LMO7: variants seen among roughly 807,000 people sequenced by gnomAD.
LMO7 encodes LIM domain 7, also known as LIM domain only protein 7.
Under a neutral mutation model 206.5 loss-of-function variants are expected in LMO7, and 120 were observed. The ratio of observed to expected loss-of-function variants is 0.58; its 90% confidence interval spans 0.50 to 0.68. The LOEUF is 0.68. Ranked by LOEUF, LMO7 falls within the 30% of genes least tolerant of loss-of-function variation. The pLI is 0.00. For missense variants in LMO7, 1,959 were observed against 1,957.9 expected (o/e 1.00, Z -0.01); for synonymous variants, 706 against 681.5 (o/e 1.04, Z -0.56).
chr13:75,732,387 A>G (rs952576270), intron 3 of LMO7, among the ~76,000 whole-genome samples: 4 of 151,378 alleles, frequency 2.6e-5, no homozygotes, highest in Admixed American at 6.6e-5. Context: ...ATCTTCCATC[A>G]CTGATACCCT....
chr13:75,782,517 T>C (rs2051673652), intron 4 of LMO7, among the ~76,000 whole-genome samples: 1 of 152,248 alleles, frequency 6.6e-6, no homozygotes, highest in Admixed American at 6.5e-5. Flanking sequence ...GGCAATGCTG[T>C]ATAGTACTTG....
intron 4 of LMO7, among the ~76,000 whole-genome samples, chr13:75,768,730 A>G (rs985802293): frequency 6.6e-6 from 1 of 152,062 alleles, no homozygotes; most frequent in African/African-American, 2.4e-5. Context: ...ATAAGAAGCT[A>G]TTATCTGAAA....
intron 4 of LMO7, among the ~76,000 whole-genome samples, chr13:75,776,174 T>TATATATATATATATAC (rs2050418013): frequency 1.7e-5 from 1 of 59,952 alleles, no homozygotes; most frequent in Non-Finnish European, 3.1e-5. Context: ...TATATATATA[T>TATATATATATATATAC]ATATATATAT....
chr13:75,812,287 G>C lies in LMO7; in HGVS notation c.1946+3104G>C, dbSNP rs188866745. ...ATAAATGAAAAATCTACATCACATTGCCTTTTTATTATAGTGTATGGTAAT... is the reference window on the plus strand; with the variant it reads ...ATAAATGAAAAATCTACATCACATTCCCTTTTTATTATAGTGTATGGTAAT... On this transcript the variant is annotated intron_variant, in intron 11 of 30. Coordinates refer to ENST00000377534, the MANE Select transcript of LMO7 (RefSeq NM_001306080.2). 4.7e-4 allele frequency among the ~76,000 whole-genome samples: 71 copies of C among 152,234 alleles called. No individual in the cohort carries two copies. In the Middle Eastern group the frequency reaches 0.014, roughly 29 times the overall value.
At chr13:75,676,837 T>A (rs2040055491) in intron 1 of LMO7, among the ~76,000 whole-genome samples, 1 of 152,194 alleles carries the variant, frequency 6.6e-6, no homozygotes, top group African/African-American at 2.4e-5. Flanking sequence ...CTTTGATGAT[T>A]GCACATAAGG....
In LMO7 at chr13:75,821,279, A is replaced by T; in HGVS notation, c.2310A>T (p.Ser770=). The change falls in exon 14 of 31, where the codon TCA becomes TCT. Residue 770 remains serine (S), a synonymous_variant. Coordinates refer to ENST00000377534, the MANE Select transcript of LMO7 (RefSeq NM_001306080.2). ...EGKRPPTMTV[S]EASYQSERVE... ...AGCGACCCCCTACAATGACTGTGTC[A>T]GAAGCAAGTTACCAGAGTGAGAGAG... is the stretch of plus-strand genomic sequence containing the variant. 1 of 1,614,148 alleles carries T rather than the reference A, an allele frequency of 6.2e-7. No homozygotes were observed. The highest frequency in any genetic ancestry group is 8.5e-7 in the Non-Finnish European group (1 of 1,179,966).
chr13:75,829,351 G>A (rs1483782748), intron 15 of LMO7, among the ~76,000 whole-genome samples: 2 of 152,088 alleles, frequency 1.3e-5, no homozygotes, highest in African/African-American at 4.8e-5. Flanking sequence ...GTAGGTAGAA[G>A]ATAATCTTGG....
chr13:75,663,827 G>A (rs1019341074), intron 1 of LMO7, among the ~76,000 whole-genome samples: 16 of 151,924 alleles, frequency 1.1e-4, no homozygotes, highest in Admixed American at 2.0e-4. Context: ...CTAAAGTTGG[G>A]CTTCTTTTTT....
At chr13:75,760,432 G>A (rs1303571274) in intron 3 of LMO7, 2 of 1,129,190 alleles carry the variant, frequency 1.8e-6, no homozygotes, top group Non-Finnish European at 2.2e-6. Flanking sequence ...GATTCCAGGT[G>A]TGGTATTCCA....
rs1595508692 is a variant in LMO7, at chr13:75,847,801, T to C, written c.4151-1278T>C. Among the ~76,000 whole-genome samples the C allele has an allele frequency of 2.0e-5, 3 of 152,302 alleles. No homozygotes were observed. In the South Asian group the frequency reaches 6.2e-4, roughly 32 times the overall value. ...GCAGCCTTTTTCATTTTCCCAAGTGTGTTCTGTGGTGTGGCTCTGGCTGTG... is the reference window on the plus strand; with the variant it reads ...GCAGCCTTTTTCATTTTCCCAAGTGCGTTCTGTGGTGTGGCTCTGGCTGTG... On this transcript the variant is annotated intron_variant, in intron 26 of 30. Transcript: ENST00000377534.
Position 75,795,437 on chromosome 13 carries a change from A to T in LMO7, c.348+6A>T. 1.3e-6 allele frequency: 2 copies of T among 1,578,718 alleles called. No homozygotes were observed. Among genetic ancestry groups the T allele is most frequent in the Non-Finnish European group, 1.7e-6 (2 of 1,152,812 alleles). ...CTGACAGGAGAGTGAAAAATGTAAG[A>T]TACATTTACCTTAATGGAGCATTAT... On this transcript the variant is annotated splice_donor_region_variant and intron_variant, in intron 5 of 30. Transcript: ENST00000377534.
chr13:75,830,198 A>G (rs925355194), intron 15 of LMO7, among the ~76,000 whole-genome samples: 12 of 152,178 alleles, frequency 7.9e-5, no homozygotes, highest in African/African-American at 2.9e-4. Flanking sequence ...CTTGAATGTA[A>G]TTATAGATAT....
chr13:75,807,667 G>C lies in LMO7; in HGVS notation c.1384G>C (p.Asp462His). 6.2e-7 allele frequency: 1 copy of C among 1,613,968 alleles called. No homozygotes were observed. The highest frequency in any genetic ancestry group is 8.5e-7 in the Non-Finnish European group (1 of 1,179,884). Residue 462 changes from aspartate (D) to histidine (H), a missense_variant, in exon 10 of 31, where the codon GAT becomes CAT. Physicochemically the swap from Asp to His is moderately conservative, Grantham distance 81. Coordinates refer to ENST00000377534, the MANE Select transcript of LMO7 (RefSeq NM_001306080.2). ...AALDPDLEND[D>H]FFVRKTGAFH... is the part of the protein sequence containing the mutation. The stretch of plus-strand genomic sequence containing the variant: ...CCTGGATCCTGACTTAGAGAATGAT[G>C]ATTTCTTTGTCAGAAAGACTGGGGC...
chr13:75,782,077 TG>T (rs2051563114), intron 4 of LMO7, among the ~76,000 whole-genome samples: 1 of 152,242 alleles, frequency 6.6e-6, no homozygotes, highest in African/African-American at 2.4e-5. Context: ...TTTTGCAAGT[TG>T]CCTGTTTACT....
chr13:75,738,301 A>G (rs1213272368), intron 3 of LMO7, among the ~76,000 whole-genome samples: 3 of 152,204 alleles, frequency 2.0e-5, no homozygotes, highest in African/African-American at 7.2e-5. Flanking sequence ...ATGTGTATTT[A>G]GCTTCGGTGT....
rs115826353 is a variant in LMO7 at position 75,673,519 on chromosome 13, G to T, written c.69+36793G>T. Among the ~76,000 whole-genome samples the T allele has an allele frequency of 1.9e-3, 286 of 152,182 alleles. 2 individuals carry two copies. The highest frequency in any genetic ancestry group is 6.6e-3 in the African/African-American group (273 of 41,522). Reference sequence around the variant, plus strand: ...GGAGCAGATGTCCAACAGCTACCTTGCAACCCTGAGGCAACAAAGCATGCA... The same window carrying T: ...GGAGCAGATGTCCAACAGCTACCTTTCAACCCTGAGGCAACAAAGCATGCA... On this transcript the variant is annotated intron_variant, in intron 1 of 30. Coordinates refer to ENST00000377534, the MANE Select transcript of LMO7 (RefSeq NM_001306080.2).
chr13:75,697,587 G>C (rs1439473438), intron 1 of LMO7, among the ~76,000 whole-genome samples: 1 of 152,230 alleles, frequency 6.6e-6, no homozygotes, highest in East Asian at 1.9e-4. Context: ...AATTCACAAT[G>C]AGATTTGGGT....
chr13:75,841,908 A>G lies in LMO7; in HGVS notation c.3956A>G (p.Lys1319Arg). 1.2e-6 allele frequency: 2 copies of G among 1,613,856 alleles called. No individual in the cohort carries two copies. The highest frequency in any genetic ancestry group is 1.7e-5 in the Admixed American group (1 of 60,020). Reference protein sequence around the residue: ...KRLQAEAEEQKRPAEEQKRQA... With the variant: ...KRLQAEAEEQRRPAEEQKRQA... ...CTTCAGGCTGAGGCTGAGGAGCAGA[A>G]GCGTCCTGCGGAGGAGCAGAAGCGC... The change falls in exon 24 of 31, where the codon AAG (lysine) becomes AGG (arginine). Residue 1319 changes from lysine to arginine, a missense_variant. Physicochemically the swap from Lys to Arg is conservative, Grantham distance 26. Transcript: ENST00000377534.
Position 75,853,105 on chromosome 13 carries a change from G to A in LMO7, c.4378G>A (p.Asp1460Asn). 2 of 1,597,954 alleles carry A rather than the reference G, an allele frequency of 1.3e-6. No individual in the cohort carries two copies. Among genetic ancestry groups the A allele is most frequent in the Middle Eastern group, 3.4e-4 (2 of 5,964 alleles). ...PGIMRRGESL[D>N]NLDSPRSNSW... The stretch of plus-strand genomic sequence containing the variant: ...TTTGTGTTTCAGAGGCGAATCTTTA[G>A]ATAACCTGGACTCCCCCCGATCCAA... The change falls in exon 28 of 31, where the codon GAT becomes AAT. Residue 1460 changes from aspartate (D) to asparagine (N), a missense_variant. Asp to Asn is a conservative substitution (Grantham distance 23, BLOSUM62 1). Coordinates refer to ENST00000377534, the MANE Select transcript of LMO7 (RefSeq NM_001306080.2).
Sources: allele counts gnomAD v4.1 joint callset (sites outside exome capture counted in the v4.1 genomes callset), GRCh38; gene constraint gnomAD v4.1.1; transcripts MANE v1.5; gene names NCBI Gene and HGNC (gene_info 2026-07-23, HGNC 2026-07-21).